NUAK1: variants seen among roughly 807,000 people sequenced by gnomAD.
NUAK1 encodes NUAK family kinase 1.
A neutral mutation model predicts 56.9 loss-of-function variants in NUAK1; 26 were observed. The observed-to-expected ratio is 0.46, with a 90% CI of 0.33 to 0.63. NUAK1 has a LOEUF of 0.63. Ranked by LOEUF, NUAK1 falls within the 30% of genes least tolerant of loss-of-function variation. The pLI, the probability that NUAK1 is intolerant of heterozygous loss-of-function variation, is 0.02. For missense variants in NUAK1, 727 were observed against 876.1 expected, an observed-to-expected ratio of 0.83 and a Z score of 2.15; for synonymous variants, 337 against 336.0, an observed-to-expected ratio of 1.00 and a Z score of -0.03.
intron 1 of NUAK1, among the ~76,000 whole-genome samples, chr12:106,114,524 T>C (rs1029864152): frequency 6.6e-6 from 1 of 152,226 alleles, no homozygotes; most frequent in Non-Finnish European, 1.5e-5. Context: ...ATGAGGACTG[T>C]TATCATGAGT....
chr12:106,098,638 G>A (rs911209571), intron 2 of NUAK1, among the ~76,000 whole-genome samples: 35 of 152,022 alleles, frequency 2.3e-4, no homozygotes, highest in African/African-American at 7.7e-4. Context: ...CAAAACCAAG[G>A]GTGTCAAAGG....
intron 1 of NUAK1, among the ~76,000 whole-genome samples, chr12:106,113,846 A>G (rs1310570951): frequency 6.6e-6 from 1 of 151,928 alleles, no homozygotes; most frequent in Admixed American, 6.6e-5. Flanking sequence ...CTGTGGATGA[A>G]GTGATGCCAG....
chr12:106,091,624 G>C (rs1196163371), intron 2 of NUAK1, among the ~76,000 whole-genome samples: 1 of 152,108 alleles, frequency 6.6e-6, no homozygotes, highest in Non-Finnish European at 1.5e-5. Flanking sequence ...AGCCCACAAG[G>C]AGCTGCAGGT....
At chr12:106,125,290 G>T (rs981182526) in intron 1 of NUAK1, among the ~76,000 whole-genome samples, 5 of 152,164 alleles carry the variant, frequency 3.3e-5, no homozygotes, top group Non-Finnish European at 5.9e-5. Context: ...ATATAAATGA[G>T]TAAGACATAG....
chr12:106,077,645 T>G (rs2032477569), intron 4 of NUAK1, among the ~76,000 whole-genome samples: 1 of 152,146 alleles, frequency 6.6e-6, no homozygotes, highest in African/African-American at 2.4e-5. Context: ...CCCAAGGCGC[T>G]TTAGATAATC....
At chr12:106,104,906 A>G (rs1167210920) in intron 2 of NUAK1, among the ~76,000 whole-genome samples, 1 of 152,118 alleles carries the variant, frequency 6.6e-6, no homozygotes, top group African/African-American at 2.4e-5. Flanking sequence ...TTTTAGCCCA[A>G]CCTGATAACT....
chr12:106,090,288 T>C (rs1218571242), intron 2 of NUAK1, among the ~76,000 whole-genome samples: 1 of 152,136 alleles, frequency 6.6e-6, no homozygotes, highest in Admixed American at 6.5e-5. Flanking sequence ...AGTCTCACGG[T>C]CAAGGCCCTG....
intron 2 of NUAK1, chr12:106,103,149 G>A (rs1565924142): frequency 6.6e-6 from 1 of 152,182 alleles, no homozygotes; most frequent in Non-Finnish European, 1.5e-5. Flanking sequence ...CATTCGTCCT[G>A]TCTGATTCCC....
chr12:106,076,415 G>A (rs2032465661), intron 4 of NUAK1, among the ~76,000 whole-genome samples: 1 of 152,162 alleles, frequency 6.6e-6, no homozygotes, highest in African/African-American at 2.4e-5. Context: ...CACACTAGCA[G>A]GCAAGCTTTG....
chr12:106,070,496 G>T (rs959895958), intron 6 of NUAK1, among the ~76,000 whole-genome samples: 2 of 152,144 alleles, frequency 1.3e-5, no homozygotes, highest in Non-Finnish European at 2.9e-5. Context: ...TTTATTTATG[G>T]TGGAGAATCT....
At chr12:106,123,085 G>C (rs2032993943) in intron 1 of NUAK1, among the ~76,000 whole-genome samples, 1 of 152,222 alleles carries the variant, frequency 6.6e-6, no homozygotes, top group Non-Finnish European at 1.5e-5. Context: ...GCAAAGCAAT[G>C]CTGATTCAGG....
At position 106,067,007 on chromosome 12, in the gene NUAK1, G is replaced by T; in HGVS notation, c.1781C>A (p.Ala594Asp). 4.3e-6 allele frequency: 7 copies of T among 1,614,228 alleles called. No homozygotes were observed. The highest frequency in any genetic ancestry group is 5.9e-6 in the Non-Finnish European group (7 of 1,180,044). Residue 594 changes from alanine (A) to aspartate (D), a missense_variant, in exon 7 of 7, where the codon GCC becomes GAC. Physicochemically the swap from Ala to Asp is moderately radical, Grantham distance 126 (BLOSUM62 -2). Transcript: ENST00000261402. The surrounding 1 kb of genome is among the most constrained non-coding windows in gnomAD (Gnocchi z 6.0). Reference protein sequence around the residue: ...DLLDLQENRPARQRIRSCVSA... With the variant: ...DLLDLQENRPDRQRIRSCVSA... ...GACGCAGCTGCGGATGCGCTGGCGG[G>T]CAGGGCGATTCTCCTGCAAATCCAG... is the stretch of plus-strand genomic sequence containing the variant.
At chr12:106,070,709 A>G in intron 6 of NUAK1, 65 bp downstream of exon 6, 1 of 1,592,426 alleles carries the variant, frequency 6.3e-7, no homozygotes, top group Non-Finnish European at 8.6e-7. Context: ...AAAGCAGAAA[A>G]TAAGAGTTGG....
chr12:106,120,107 T>C (rs1213705393), intron 1 of NUAK1, among the ~76,000 whole-genome samples: 2 of 152,186 alleles, frequency 1.3e-5, no homozygotes, highest in Non-Finnish European at 2.9e-5. Flanking sequence ...CTAGGGGCTG[T>C]TGGGCTACTC....
intron 6 of NUAK1, among the ~76,000 whole-genome samples, chr12:106,069,809 G>A (rs771762465): frequency 1.2e-4 from 19 of 152,098 alleles, no homozygotes; most frequent in South Asian, 2.1e-4. Context: ...ATATATATGC[G>A]TGTGTATAGT....
intron 2 of NUAK1, among the ~76,000 whole-genome samples, chr12:106,088,755 C>A (rs2032601508): frequency 6.6e-6 from 1 of 152,210 alleles, no homozygotes; most frequent in Non-Finnish European, 1.5e-5. Flanking sequence ...AATATTAATT[C>A]ATCCCCAGAG....
At chr12:106,069,794 C>CAT (rs201636501) in intron 6 of NUAK1, among the ~76,000 whole-genome samples, 67 of 151,746 alleles carry the variant, frequency 4.4e-4, no homozygotes, top group South Asian at 1.7e-3. Context: ...TACAGATATA[C>CAT]ATATATATAT....
intron 1 of NUAK1, among the ~76,000 whole-genome samples, chr12:106,121,420 A>G (rs986340376): frequency 6.6e-6 from 1 of 152,130 alleles, no homozygotes; most frequent in Non-Finnish European, 1.5e-5. Flanking sequence ...AGCAGCTCTC[A>G]GTTCTAAGGG....
At chr12:106,087,003 G>A (rs2032579211) in intron 2 of NUAK1, 118 bp from the exon 3 acceptor site, 6 of 1,314,822 alleles carry the variant, frequency 4.6e-6, no homozygotes, top group Non-Finnish European at 6.3e-6. Context: ...CGACTGATGG[G>A]TCAGAACACA....
Sources: gnomAD v4.1 joint callset for allele counts (sites outside exome capture counted in the v4.1 genomes callset) on GRCh38, gnomAD v4.1.1 for gene constraint, Gnocchi (gnomAD v3.1) non-coding constraint, MANE v1.5 for transcripts, NCBI Gene and HGNC (gene_info 2026-07-23, HGNC 2026-07-21) for gene names.